MSI2: variants seen among roughly 807,000 people sequenced by gnomAD.
MSI2 encodes the protein RNA-binding protein Musashi homolog 2.
In MSI2, 17 loss-of-function variants were observed where a neutral mutation model predicts 45.6. The ratio of observed to expected loss-of-function variants is 0.37; its 90% confidence interval spans 0.26 to 0.56. The LOEUF is 0.56. Among genes scored for constraint, MSI2 ranks in the 20% least tolerant of loss-of-function variants. The pLI, the probability that MSI2 is intolerant of heterozygous loss-of-function variation, is 0.77. For missense variants in MSI2, 293 were observed against 444.2 expected, an observed-to-expected ratio of 0.66 and a Z score of 3.06; for synonymous variants, 156 against 158.2, an observed-to-expected ratio of 0.99 and a Z score of 0.11.
At chr17:57,573,737 G>T (rs1007212802) in intron 7 of MSI2, among the ~76,000 whole-genome samples, 1 of 152,238 alleles carries the variant, frequency 6.6e-6, no homozygotes, top group Non-Finnish European at 1.5e-5. Flanking sequence ...GCTGATGGAG[G>T]AGTGACAGGC....
Position 57,515,936 on chromosome 17 carries a change from TCA to T in MSI2, c.406-13737_406-13736del, listed in dbSNP as rs1408545270. On this transcript the variant is annotated intron_variant, in intron 6 of 13. Coordinates refer to ENST00000284073, the MANE Select transcript of MSI2 (RefSeq NM_138962.4). ...TTTTTATTTTAAAATAGTGTAGGAC[TCA>T]CAAGAAGTTGTAAAAATAGGACAAA... Among the ~76,000 whole-genome samples the T allele has an allele frequency of 9.9e-5, 15 of 152,278 alleles. 1 individual carries two copies. Among genetic ancestry groups the T allele is most frequent in the African/African-American group, 3.4e-4 (14 of 41,550 alleles).
intron 6 of MSI2, among the ~76,000 whole-genome samples, chr17:57,426,886 A>G (rs1258415392): frequency 6.6e-6 from 1 of 152,260 alleles, no homozygotes; most frequent in East Asian, 1.9e-4. Flanking sequence ...GGCCTGACAG[A>G]GAAGTGTTTG....
chr17:57,458,010 A>G (rs929394664), intron 6 of MSI2, among the ~76,000 whole-genome samples: 1 of 152,148 alleles, frequency 6.6e-6, no homozygotes, highest in Non-Finnish European at 1.5e-5. Context: ...AACTGGGCAT[A>G]TACATATATA....
intron 7 of MSI2, among the ~76,000 whole-genome samples, chr17:57,550,833 G>A (rs2087286549): frequency 6.6e-6 from 1 of 152,156 alleles, no homozygotes; most frequent in Admixed American, 6.5e-5. Context: ...GTAGCCCTCT[G>A]TCTAGGGCCT....
chr17:57,528,986 G>A (rs2086762932), intron 6 of MSI2, among the ~76,000 whole-genome samples: 1 of 152,088 alleles, frequency 6.6e-6, no homozygotes, highest in Admixed American at 6.5e-5. Context: ...CTTACACTGG[G>A]AAATATGCAT....
At chr17:57,544,865 T>C (rs758905139) in intron 7 of MSI2, among the ~76,000 whole-genome samples, 1 of 152,244 alleles carries the variant, frequency 6.6e-6, no homozygotes, top group Non-Finnish European at 1.5e-5. Context: ...TCACTTTGTT[T>C]TCCTGTCCTT....
At chr17:57,416,223 A>G (rs1056756813) in intron 6 of MSI2, among the ~76,000 whole-genome samples, 2 of 152,206 alleles carry the variant, frequency 1.3e-5, no homozygotes, top group African/African-American at 4.8e-5. Flanking sequence ...AGGAAAGCAG[A>G]TATTTGTAGG....
chr17:57,487,386 T>A (rs1018103220), intron 6 of MSI2, among the ~76,000 whole-genome samples: 2 of 152,132 alleles, frequency 1.3e-5, no homozygotes, highest in Non-Finnish European at 2.9e-5. Context: ...TCCCCACATC[T>A]CCAGTTATCA....
Position 57,585,795 on chromosome 17 carries a change from C to T in MSI2, c.455-11073C>T, listed in dbSNP as rs534911089. On this transcript the variant is annotated intron_variant, in intron 7 of 13. Coordinates refer to ENST00000284073, the MANE Select transcript of MSI2 (RefSeq NM_138962.4). ...GAGTTGAGAATCCTTGAAGGCCATG[C>T]TCCCGCAGTTGGAGCTCGCCAAAGC... Among the ~76,000 whole-genome samples the T allele has an allele frequency of 1.5e-3, 234 of 152,374 alleles. 1 individual carries two copies. The highest frequency in any genetic ancestry group is 3.0e-3 in the Non-Finnish European group (204 of 68,038).
chr17:57,647,274 C>CAAAAAAAAAAA, intron 10 of MSI2, among the ~76,000 whole-genome samples: 1 of 37,678 alleles, frequency 2.7e-5, no homozygotes, highest in Non-Finnish European at 5.3e-5. Context: ...ACTAAAAATA[C>CAAAAAAAAAAA]AAAAAAAAAA....
At chr17:57,443,658 C>T (rs1389810393) in intron 6 of MSI2, among the ~76,000 whole-genome samples, 1 of 152,122 alleles carries the variant, frequency 6.6e-6, no homozygotes, top group Non-Finnish European at 1.5e-5. Flanking sequence ...CCTCCCTGCC[C>T]CCTGAATGTG....
At chr17:57,350,862 G>C (rs1042609597) in intron 5 of MSI2, among the ~76,000 whole-genome samples, 3 of 152,112 alleles carry the variant, frequency 2.0e-5, no homozygotes, top group African/African-American at 7.2e-5. Context: ...CTCATGGGAG[G>C]GGGTACTTGA....
chr17:57,617,823 C>G (rs575382454), intron 9 of MSI2, among the ~76,000 whole-genome samples: 1 of 152,054 alleles, frequency 6.6e-6, no homozygotes, highest in Non-Finnish European at 1.5e-5. Context: ...GTAATCCCAG[C>G]AATTTGGGAG....
chr17:57,598,725 C>G (rs1028310960), intron 8 of MSI2, among the ~76,000 whole-genome samples: 9 of 152,002 alleles, frequency 5.9e-5, no homozygotes, highest in African/African-American at 2.2e-4. Flanking sequence ...TGCAGTGGCA[C>G]GATCTCGGCT....
intron 6 of MSI2, among the ~76,000 whole-genome samples, chr17:57,466,337 T>C (rs1055368545): frequency 6.6e-6 from 1 of 152,248 alleles, no homozygotes; most frequent in Non-Finnish European, 1.5e-5. Flanking sequence ...CCAGGCCCGC[T>C]GTGGCTCCCT....
At chr17:57,367,670 C>T (rs1917293321) in intron 5 of MSI2, among the ~76,000 whole-genome samples, 1 of 152,194 alleles carries the variant, frequency 6.6e-6, no homozygotes, top group Non-Finnish European at 1.5e-5. Context: ...CATCTTAAAT[C>T]CCTACCTGCA....
intron 7 of MSI2, among the ~76,000 whole-genome samples, chr17:57,534,091 T>C (rs935369358): frequency 6.6e-6 from 1 of 152,210 alleles, no homozygotes; most frequent in Non-Finnish European, 1.5e-5. Flanking sequence ...GCACCTACCA[T>C]TGAACCTTGA....
intron 5 of MSI2, among the ~76,000 whole-genome samples, chr17:57,342,069 T>G (rs1172610012): frequency 4.6e-5 from 7 of 152,186 alleles, no homozygotes; most frequent in Admixed American, 2.0e-4. Flanking sequence ...AAAAAAGAAT[T>G]TTTGAAGTAG....
rs573752713 is a variant in MSI2 at position 57,676,630 on chromosome 17, G to C, written c.946-357G>C. 3.3e-5 allele frequency among the ~76,000 whole-genome samples: 5 copies of C among 152,340 alleles called. No homozygotes were observed. The South Asian group carries it at 1.0e-3, about 32-fold the overall frequency. On this transcript the variant is annotated intron_variant, in intron 12 of 13. Coordinates refer to ENST00000284073, the MANE Select transcript of MSI2 (RefSeq NM_138962.4). ...TCTGCACTGGGATTTCTTCTCCCCAGCTAGAGCCGTTGGGACTGCGGACAG... is the reference window on the plus strand; with the variant it reads ...TCTGCACTGGGATTTCTTCTCCCCACCTAGAGCCGTTGGGACTGCGGACAG...
Sources: allele counts gnomAD v4.1 joint callset (sites outside exome capture counted in the v4.1 genomes callset), GRCh38; gene constraint gnomAD v4.1.1; transcripts MANE v1.5; gene names NCBI Gene and HGNC (gene_info 2026-07-23, HGNC 2026-07-21).